The following BCAS3 variants were observed in gnomAD, a reference collection of about 807,000 sequenced individuals.
BCAS3 encodes BCAS4/BCAS3 fusion.
Under a neutral mutation model 116.1 loss-of-function variants are expected in BCAS3, and 53 were observed. That is an observed-to-expected ratio of 0.46 (90% CI 0.37 to 0.57). The LOEUF (loss-of-function observed/expected upper bound fraction) is 0.57. BCAS3 is among the 20% of genes least tolerant of loss of function. The pLI is 0.00. For missense variants in BCAS3, 917 were observed against 1,165.4 expected (o/e 0.79, Z 3.10); for synonymous variants, 391 against 408.2 (o/e 0.96, Z 0.51).
chr17:61,028,152 C>A lies in BCAS3; in HGVS notation c.1638-6514C>A, dbSNP rs550044997. 3.0e-4 allele frequency among the ~76,000 whole-genome samples: 46 copies of A among 151,824 alleles called. No homozygotes were observed. Among genetic ancestry groups the A allele is most frequent in the African/African-American group, 9.9e-4 (41 of 41,512 alleles). On this transcript the variant is annotated intron_variant, in intron 16 of 23. Transcript: ENST00000407086. This position sits in a 1 kb window ranked among gnomAD's most constrained non-coding sequence, Gnocchi z 4.3. ...TGGACAGAAAGAAGCTTAAATAGTT[C>A]TTTAAGGTTAATTATTATTTGACAC...
rs370275247 is a variant in BCAS3 at position 60,822,307 on chromosome 17, G to A, written c.476+14231G>A. Among the ~76,000 whole-genome samples the A allele has an allele frequency of 7.2e-5, 11 of 152,224 alleles. No individual in the cohort carries two copies. In the East Asian group the frequency reaches 1.9e-3, roughly 27 times the overall value. On this transcript the variant is annotated intron_variant, in intron 7 of 23. Transcript: ENST00000407086. ...TAGCTATTTTAATAAATATGCAGTG[G>A]TGTGTCATTATGGCATTAATTTGGA...
rs1342411532 is a variant in BCAS3 at position 61,239,167 on chromosome 17, A to G, written c.2426-129160A>G. Among the ~76,000 whole-genome samples, 1 of 152,226 alleles carries G rather than the reference A, an allele frequency of 6.6e-6. No individual in the cohort carries two copies. The highest frequency in any genetic ancestry group is 2.4e-5 in the African/African-American group (1 of 41,464). On this transcript the variant is annotated intron_variant, in intron 22 of 23. Coordinates refer to ENST00000407086, the MANE Select transcript of BCAS3 (RefSeq NM_017679.5). This position sits in a 1 kb window ranked among gnomAD's most constrained non-coding sequence, Gnocchi z 4.2. ...GAGCTCATTTTTGAAATGCAAAAGCAAAAAGGAATAAAATAGCAGGTTACC... is the reference window on the plus strand; with the variant it reads ...GAGCTCATTTTTGAAATGCAAAAGCGAAAAGGAATAAAATAGCAGGTTACC...
rs1159721968 is a variant in BCAS3 at position 61,324,287 on chromosome 17, T to C, written c.2426-44040T>C. On this transcript the variant is annotated intron_variant, in intron 22 of 23. Coordinates refer to ENST00000407086, the MANE Select transcript of BCAS3 (RefSeq NM_017679.5). This position sits in a 1 kb window ranked among gnomAD's most constrained non-coding sequence, Gnocchi z 4.6. Reference sequence around the variant, plus strand: ...CCTTTATCATACACATTGATGAAACTGAAGCCTAGAGCTAATATGTGAGGT... The same window carrying C: ...CCTTTATCATACACATTGATGAAACCGAAGCCTAGAGCTAATATGTGAGGT... 6.6e-6 allele frequency among the ~76,000 whole-genome samples: 1 copy of C among 152,180 alleles called. No individual in the cohort carries two copies. Among genetic ancestry groups the C allele is most frequent in the African/African-American group, 2.4e-5 (1 of 41,434 alleles).
intron 22 of BCAS3, among the ~76,000 whole-genome samples, chr17:61,273,013 C>T (rs1006018340): frequency 6.6e-6 from 1 of 151,846 alleles, no homozygotes; most frequent in African/African-American, 2.4e-5. Flanking sequence ...TTCAATTTTC[C>T]TTCACCCAGA....
At chr17:61,003,587 C>T (rs1452955922) in intron 15 of BCAS3, among the ~76,000 whole-genome samples, 2 of 151,960 alleles carry the variant, frequency 1.3e-5, no homozygotes, top group Admixed American at 1.3e-4. Flanking sequence ...AGCCACCAAG[C>T]CCATCTGGAG....
intron 6 of BCAS3, among the ~76,000 whole-genome samples, chr17:60,790,993 C>T (rs2046723153): frequency 1.3e-5 from 2 of 151,996 alleles, no homozygotes; most frequent in African/African-American, 2.4e-5. Flanking sequence ...CCACCTGCCT[C>T]GACCTCCCAA....
At chr17:60,687,635 CT>C (rs958485701) in intron 3 of BCAS3, among the ~76,000 whole-genome samples, 146 of 147,564 alleles carry the variant, frequency 9.9e-4, no homozygotes, top group African/African-American at 2.8e-3. Context: ...CCAAAAACAA[CT>C]TTTTTTTTTT....
At chr17:60,720,384 G>GC (rs2039105506) in intron 5 of BCAS3, 1 of 152,138 alleles carries the variant, frequency 6.6e-6, no homozygotes, top group Admixed American at 6.6e-5. Context: ...TGATCCTCCT[G>GC]CCTTGGCCTC....
chr17:61,390,662 C>T lies in BCAS3; in HGVS notation c.2594-1315C>T, dbSNP rs1227198063. On this transcript the variant is annotated intron_variant, in intron 23 of 23. Transcript: ENST00000407086. The surrounding 1 kb of genome is among the most constrained non-coding windows in gnomAD (Gnocchi z 6.8). The stretch of plus-strand genomic sequence containing the variant: ...GGGTCAGTGGTTCGTTGCTGGCTGG[C>T]TGGTGTTGGCCAGCCCAGGAGTGAA... 1 of 152,332 alleles carries T rather than the reference C, an allele frequency of 6.6e-6. No individual in the cohort carries two copies. The highest frequency in any genetic ancestry group is 1.5e-5 in the Non-Finnish European group (1 of 68,110). The allele number at this position is 152,332 out of a possible 1,614,324, so 9.4% of individuals were successfully genotyped here.
intron 12 of BCAS3, among the ~76,000 whole-genome samples, chr17:60,918,070 T>C (rs1356458939): frequency 6.6e-6 from 1 of 152,218 alleles, no homozygotes; most frequent in Non-Finnish European, 1.5e-5. Context: ...GGCTGGACCA[T>C]TTTAAATTCC....
rs546352830 is a variant in BCAS3 at position 61,306,717 on chromosome 17, G to A, written c.2426-61610G>A. Among the ~76,000 whole-genome samples, 11 of 152,240 alleles carry A rather than the reference G, an allele frequency of 7.2e-5. No individual in the cohort carries two copies. The South Asian group carries it at 1.2e-3, about 17-fold the overall frequency. On this transcript the variant is annotated intron_variant, in intron 22 of 23. Transcript: ENST00000407086. ...CTTGAGCCCAGGAGCTCAAGGCTGC[G>A]GTGAGCTGTGTGAGCTGTGTGAGCT...
At chr17:61,049,738 T>TC (rs2068679256) in intron 19 of BCAS3, among the ~76,000 whole-genome samples, 1 of 146,938 alleles carries the variant, frequency 6.8e-6, no homozygotes, top group African/African-American at 2.5e-5. Flanking sequence ...TTCTTTTTTT[T>TC]TTTTTTTTTT....
At position 61,141,845 on chromosome 17, in the gene BCAS3, G is replaced by C. The variant is rs371796652; in HGVS notation, c.2425+57281G>C. On this transcript the variant is annotated intron_variant, in intron 22 of 23. Coordinates refer to ENST00000407086, the MANE Select transcript of BCAS3 (RefSeq NM_017679.5). This position sits in a 1 kb window ranked among gnomAD's most constrained non-coding sequence, Gnocchi z 4.3. ...GAACCCAGGAGGCGGAGGTTGCAGT[G>C]AGCCGAGATCGCGCCACTGCACTCC... Among the ~76,000 whole-genome samples, 11 of 149,062 alleles carry C rather than the reference G, an allele frequency of 7.4e-5. No individual in the cohort carries two copies. Among genetic ancestry groups the C allele is most frequent in the African/African-American group, 2.5e-4 (10 of 40,266 alleles).
In BCAS3 at chr17:61,131,648, T is replaced by G. The variant is rs2076349363; in HGVS notation, c.2425+47084T>G. On this transcript the variant is annotated intron_variant, in intron 22 of 23. Coordinates refer to ENST00000407086, the MANE Select transcript of BCAS3 (RefSeq NM_017679.5). The surrounding 1 kb of genome is among the most constrained non-coding windows in gnomAD (Gnocchi z 4.4). ...TGTGAGCCTCCAGGCCTTTGCAGCC[T>G]GTAGTGGTCTGCACTTCTCTGTTTT... Among the ~76,000 whole-genome samples, 1 of 152,212 alleles carries G rather than the reference T, an allele frequency of 6.6e-6. No individual in the cohort carries two copies. The highest frequency in any genetic ancestry group is 2.1e-4 in the South Asian group (1 of 4,828).
At chr17:60,874,129 T>C (rs1036901) in intron 8 of BCAS3, among the ~76,000 whole-genome samples, 18,471 of 151,352 alleles carry the variant, frequency 0.12, 3,406 homozygotes, top group African/African-American at 0.4. Context: ...TGCAGTGGTG[T>C]GATCGTAGCT....
At chr17:60,833,145 G>A (rs2051086818) in intron 7 of BCAS3, among the ~76,000 whole-genome samples, 1 of 152,118 alleles carries the variant, frequency 6.6e-6, no homozygotes, top group African/African-American at 2.4e-5. Flanking sequence ...GGGATTACAG[G>A]TGCGAGCCAC....
At chr17:60,793,280 A>AGAGATGGGGTTTCACCATCTTGGCC (rs1443278681) in intron 6 of BCAS3, among the ~76,000 whole-genome samples, 2 of 151,914 alleles carry the variant, frequency 1.3e-5, no homozygotes, top group Non-Finnish European at 2.9e-5. Flanking sequence ...TGTTTTTAGT[A>AGAGATGGGGTTTCACCATCTTGGCC]GAGATGGGGT....
At chr17:60,837,980 A>G (rs950094850) in intron 7 of BCAS3, among the ~76,000 whole-genome samples, 2 of 152,190 alleles carry the variant, frequency 1.3e-5, no homozygotes, top group African/African-American at 2.4e-5. Context: ...TTCAATTTTA[A>G]ATTAAAATTT....
intron 16 of BCAS3, among the ~76,000 whole-genome samples, chr17:61,022,240 G>T (rs2065924634): frequency 6.7e-6 from 1 of 149,094 alleles, no homozygotes; most frequent in South Asian, 2.1e-4. Context: ...TATATTTTTT[G>T]TTTGTTTGTT....
Sources: gnomAD v4.1 joint callset for allele counts (sites outside exome capture counted in the v4.1 genomes callset) on GRCh38, gnomAD v4.1.1 for gene constraint, Gnocchi (gnomAD v3.1) non-coding constraint, MANE v1.5 for transcripts, NCBI Gene and HGNC (gene_info 2026-07-23, HGNC 2026-07-21) for gene names.